SCAND3: variants seen among roughly 807,000 people sequenced by gnomAD.
SCAND3 encodes SCAN domain containing 3, also known as SCAN domain-containing protein 3.
chr6:28,597,666 G>A, the SCAND3 span: 4 of 141,538 alleles, frequency 2.8e-5, no homozygotes, highest in Admixed American at 7.1e-5. Flanking sequence ...TAAATACGTA[G>A]ATCCTTGCTG....
At chr6:28,612,826 C>T in the SCAND3 span, among the ~76,000 whole-genome samples, 1 of 152,234 alleles carries the variant, frequency 6.6e-6, no homozygotes, top group East Asian at 1.9e-4. Context: ...ATTCTAGAAT[C>T]CTTAATTTCT....
the SCAND3 span, chr6:28,576,092 C>A: frequency 6.2e-7 from 1 of 1,608,546 alleles, no homozygotes; most frequent in Non-Finnish European, 8.5e-7. Context: ...CTGAGGTTAT[C>A]ACCACCCATG....
At chr6:28,575,793 A>C in the SCAND3 span, 1 of 1,613,960 alleles carries the variant, frequency 6.2e-7, no homozygotes, top group African/African-American at 1.3e-5. The surrounding 1 kb of genome is among the most constrained non-coding windows in gnomAD (Gnocchi z 4.2). Context: ...ATAAGTCCTC[A>C]CTGTGTAAGT....
chr6:28,576,558 C>T, the SCAND3 span, among the ~76,000 whole-genome samples: 3 of 152,032 alleles, frequency 2.0e-5, no homozygotes, highest in African/African-American at 7.2e-5. Context: ...GTTACTGCAC[C>T]AGGCCAGGGG....
chr6:28,588,656 T>A, the SCAND3 span, among the ~76,000 whole-genome samples: 1 of 152,242 alleles, frequency 6.6e-6, no homozygotes, highest in Non-Finnish European at 1.5e-5. This position sits in a 1 kb window ranked among gnomAD's most constrained non-coding sequence, Gnocchi z 4.1. Context: ...GTCACAATTA[T>A]AACTCATTAT....
the SCAND3 span, chr6:28,590,341 A>G: frequency 1.3e-5 from 2 of 152,330 alleles, no homozygotes; most frequent in Non-Finnish European, 2.9e-5. Context: ...GCATCCGGGA[A>G]ACAGTCCCTT....
the SCAND3 span, among the ~76,000 whole-genome samples, chr6:28,600,486 A>G: frequency 1.3e-5 from 2 of 152,122 alleles, no homozygotes; most frequent in Admixed American, 6.5e-5. Context: ...TACAAAAATT[A>G]GGCGGGCATG....
At chr6:28,577,268 TA>T in the SCAND3 span, among the ~76,000 whole-genome samples, 12 of 152,118 alleles carry the variant, frequency 7.9e-5, no homozygotes, top group Non-Finnish European at 1.6e-4. Flanking sequence ...TTGGAAAAAG[TA>T]AAAAATAATA....
At chr6:28,598,184 T>C in the SCAND3 span, among the ~76,000 whole-genome samples, 7 of 152,272 alleles carry the variant, frequency 4.6e-5, no homozygotes, top group Middle Eastern at 3.4e-3. Context: ...CCGTGTGACC[T>C]GGGCGGGCCA....
At chr6:28,604,320 T>G in the SCAND3 span, among the ~76,000 whole-genome samples, 1 of 152,156 alleles carries the variant, frequency 6.6e-6, no homozygotes. Flanking sequence ...GCAAAAAAAT[T>G]AGGAATTTTT....
the SCAND3 span, chr6:28,574,929 G>C: frequency 6.2e-7 from 1 of 1,613,742 alleles, no homozygotes; most frequent in African/African-American, 1.3e-5. Context: ...TCTCAGGAGG[G>C]CTTTTTTCAG....
the SCAND3 span, among the ~76,000 whole-genome samples, chr6:28,615,372 G>A: frequency 6.6e-6 from 1 of 152,178 alleles, no homozygotes; most frequent in East Asian, 1.9e-4. Flanking sequence ...CCAGCACTTT[G>A]AGAGGCCGAG....
chr6:28,612,260 G>C, the SCAND3 span, among the ~76,000 whole-genome samples: 4 of 151,884 alleles, frequency 2.6e-5, no homozygotes, highest in African/African-American at 9.7e-5. Flanking sequence ...GGATGGTCTC[G>C]ATTTCCTGAG....
chr6:28,586,445 G>C, the SCAND3 span: 1 of 1,614,192 alleles, frequency 6.2e-7, no homozygotes, highest in Non-Finnish European at 8.5e-7. The surrounding 1 kb of genome is among the most constrained non-coding windows in gnomAD (Gnocchi z 4.4). Flanking sequence ...ACAATTCCAG[G>C]ATCTGCTCCT....
At chr6:28,601,618 C>T in the SCAND3 span, among the ~76,000 whole-genome samples, 738 of 152,244 alleles carry the variant, frequency 4.8e-3, 2 homozygotes, top group African/African-American at 0.013. Flanking sequence ...CTCTCAGGCT[C>T]AAATGATCCT....
the SCAND3 span, chr6:28,572,402 T>C: frequency 1.9e-6 from 3 of 1,613,364 alleles, no homozygotes; most frequent in Admixed American, 5.0e-5. This position sits in a 1 kb window ranked among gnomAD's most constrained non-coding sequence, Gnocchi z 4.1. Context: ...CCTACTTCAT[T>C]GATAATTGTT....
chr6:28,601,651 C>G, the SCAND3 span, among the ~76,000 whole-genome samples: 1 of 152,264 alleles, frequency 6.6e-6, no homozygotes, highest in African/African-American at 2.4e-5. Flanking sequence ...TCCCAAGTTG[C>G]TGGGACTACA....
chr6:28,579,438 A>T, the SCAND3 span: 10 of 1,601,122 alleles, frequency 6.2e-6, no homozygotes, highest in Non-Finnish European at 8.5e-7. This position sits in a 1 kb window ranked among gnomAD's most constrained non-coding sequence, Gnocchi z 4.5. Flanking sequence ...AAGTAGGTGC[A>T]TTTGGTAAAC....
the SCAND3 span, chr6:28,576,064 T>C: frequency 6.2e-7 from 1 of 1,613,738 alleles, no homozygotes. Flanking sequence ...AATTTCTGCT[T>C]CATTAGTATC....
Sources: gnomAD v4.1 joint callset for allele counts (sites outside exome capture counted in the v4.1 genomes callset) on GRCh38, gnomAD v4.1.1 for gene constraint, Gnocchi (gnomAD v3.1) non-coding constraint, MANE v1.5 for transcripts, NCBI Gene and HGNC (gene_info 2026-07-23, HGNC 2026-07-21) for gene names.